The following POLR3B variants were observed in gnomAD, a reference collection of about 807,000 sequenced individuals.
POLR3B encodes DNA-directed RNA polymerase III subunit RPC2.
A neutral mutation model predicts 147.4 loss-of-function variants in POLR3B; 96 were observed. That is an observed-to-expected ratio of 0.65 (90% CI 0.55 to 0.77). The LOEUF is 0.77. Among genes scored for constraint, POLR3B ranks in the 30% least tolerant of loss-of-function variants. The pLI, the probability that POLR3B is intolerant of heterozygous loss-of-function variation, is 0.00. For missense variants in POLR3B, 1,036 were observed against 1,413.5 expected (o/e 0.73, Z 4.28); for synonymous variants, 461 against 485.9 (o/e 0.95, Z 0.67).
At chr12:106,399,489 A>G (rs142671675) in intron 10 of POLR3B, among the ~76,000 whole-genome samples, 1,661 of 152,174 alleles carry the variant, frequency 0.011, 23 homozygotes, top group African/African-American at 0.038. Context: ...CCACAAAGAT[A>G]CTCCTTGAGA....
intron 13 of POLR3B, among the ~76,000 whole-genome samples, chr12:106,428,828 C>T (rs1378474229): frequency 6.6e-6 from 1 of 152,154 alleles, no homozygotes; most frequent in Non-Finnish European, 1.5e-5. Context: ...TCCCACGTTT[C>T]AGAAACTCAA....
At chr12:106,502,954 C>G (rs1296782303) in intron 26 of POLR3B, among the ~76,000 whole-genome samples, 3 of 152,112 alleles carry the variant, frequency 2.0e-5, no homozygotes, top group African/African-American at 7.2e-5. Context: ...TTGTCTCTTC[C>G]ATATGAAGAC....
At chr12:106,458,044 G>A (rs2037887269) in intron 21 of POLR3B, among the ~76,000 whole-genome samples, 1 of 152,214 alleles carries the variant, frequency 6.6e-6, no homozygotes, top group African/African-American at 2.4e-5. Flanking sequence ...TGGTGCACAT[G>A]AGTTGGTGGG....
chr12:106,437,182 G>A (rs188765434), intron 17 of POLR3B, 51 bp downstream of exon 17: 154 of 1,171,362 alleles, frequency 1.3e-4, no homozygotes, highest in Middle Eastern at 3.9e-4. Context: ...CCACATACAT[G>A]ATTTAAGAAA....
At chr12:106,456,693 C>T (rs2037869725) in intron 20 of POLR3B, among the ~76,000 whole-genome samples, 1 of 152,154 alleles carries the variant, frequency 6.6e-6, no homozygotes, top group Non-Finnish European at 1.5e-5. Flanking sequence ...CTCAACTCTG[C>T]TGCCAACTTT....
At chr12:106,482,448 T>C (rs1428583663) in intron 23 of POLR3B, among the ~76,000 whole-genome samples, 1 of 152,036 alleles carries the variant, frequency 6.6e-6, no homozygotes, top group African/African-American at 2.4e-5. Flanking sequence ...AAAGTTACAA[T>C]CATGGCAGAA....
Position 106,444,481 on chromosome 12 carries a change from G to A in POLR3B, c.1974G>A (p.Glu658=), listed in dbSNP as rs201895619. 1.2e-4 allele frequency: 201 copies of A among 1,613,790 alleles called. No homozygotes were observed. The highest frequency in any genetic ancestry group is 1.5e-4 in the Non-Finnish European group (181 of 1,179,964). Residue 658 remains glutamate, a synonymous_variant, in exon 19 of 28, where the codon GAG becomes GAA. Coordinates refer to ENST00000228347, the MANE Select transcript of POLR3B (RefSeq NM_018082.6). ...TTGTTAGAGACACCACCCACTTGGA[G>A]ATTGAACCCTTCACTCTTCTCGGCG... ...HTINKDTTHL[E]IEPFTLLGVC...
At chr12:106,486,675 C>T (rs1178057641) in intron 23 of POLR3B, among the ~76,000 whole-genome samples, 1 of 152,166 alleles carries the variant, frequency 6.6e-6, no homozygotes, top group Non-Finnish European at 1.5e-5. Context: ...TACAGCATGT[C>T]GCACAAATGC....
chr12:106,397,513 A>G (rs763234896), intron 10 of POLR3B, among the ~76,000 whole-genome samples: 23 of 152,162 alleles, frequency 1.5e-4, no homozygotes, highest in Non-Finnish European at 4.4e-5. Context: ...ATTAGGCATC[A>G]TAGTTTAGTG....
intron 12 of POLR3B, among the ~76,000 whole-genome samples, chr12:106,424,884 A>G (rs2037416539): frequency 6.6e-6 from 1 of 152,198 alleles, no homozygotes; most frequent in African/African-American, 2.4e-5. Flanking sequence ...ATCCATGAAC[A>G]TATCATCTCA....
chr12:106,434,328 T>C (rs1593039340), intron 16 of POLR3B, among the ~76,000 whole-genome samples: 1 of 152,296 alleles, frequency 6.6e-6, no homozygotes, highest in African/African-American at 2.4e-5. Context: ...GTCCTTAGGA[T>C]TCGTTTGACG....
chr12:106,486,249 A>G (rs545328186), intron 23 of POLR3B, among the ~76,000 whole-genome samples: 1 of 138,248 alleles, frequency 7.2e-6, no homozygotes, highest in African/African-American at 2.7e-5. Context: ...AGATTGGGCC[A>G]CTGCACTCCA....
intron 9 of POLR3B, among the ~76,000 whole-genome samples, chr12:106,384,624 G>C (rs2036809902): frequency 6.6e-6 from 1 of 152,042 alleles, no homozygotes; most frequent in African/African-American, 2.4e-5. Flanking sequence ...CGTATTTTTT[G>C]TATTTTTGTG....
At position 106,369,290 on chromosome 12, in the gene POLR3B, T is replaced by C; in HGVS notation, c.243T>C (p.Tyr81=). The C allele has an allele frequency of 6.3e-7, 1 of 1,589,884 alleles. No individual in the cohort carries two copies. ...TGCTTTTCAGATATCTTAATATCTA[T>C]GTTGGGCTTCCTGATGTTGAAGAAA... ...PMWYLKYLNI[Y]VGLPDVEESF... Residue 81 remains tyrosine, a synonymous_variant, in exon 5 of 28, where the codon TAT becomes TAC. Coordinates refer to ENST00000228347, the MANE Select transcript of POLR3B (RefSeq NM_018082.6).
At chr12:106,379,880 G>A (rs1473886946) in intron 8 of POLR3B, 151 bp from the exon 9 acceptor site, 5 of 657,156 alleles carry the variant, frequency 7.6e-6, no homozygotes, top group Non-Finnish European at 1.4e-5. Context: ...GGCAGGAAAG[G>A]AATTGTCTTT....
intron 7 of POLR3B, among the ~76,000 whole-genome samples, 187 bp from the exon 8 acceptor site, chr12:106,378,079 TC>T (rs1676538946): frequency 6.6e-6 from 1 of 152,022 alleles, no homozygotes; most frequent in South Asian, 2.1e-4. Context: ...CAAAGGGAGA[TC>T]CTTTCTCAAA....
chr12:106,478,138 C>A (rs1032859639), intron 23 of POLR3B, among the ~76,000 whole-genome samples: 10 of 151,884 alleles, frequency 6.6e-5, no homozygotes, highest in Admixed American at 6.6e-4. Context: ...AATTCCTCAG[C>A]TCAGGCAATC....
chr12:106,450,127 G>A (rs1480879102), intron 19 of POLR3B, among the ~76,000 whole-genome samples: 1 of 152,120 alleles, frequency 6.6e-6, no homozygotes, highest in Non-Finnish European at 1.5e-5. Flanking sequence ...ATGTGTCAAA[G>A]CAATCCAGTG....
chr12:106,376,625 C>CATTCTTTTTTTT (rs1565877301), intron 7 of POLR3B, among the ~76,000 whole-genome samples, 175 bp downstream of exon 7: 1 of 107,880 alleles, frequency 9.3e-6, no homozygotes, highest in African/African-American at 5.5e-5. Context: ...GTATTTCTTT[C>CATTCTTTTTTTT]TTTCTTTTTT....
Sources: allele counts gnomAD v4.1 joint callset (sites outside exome capture counted in the v4.1 genomes callset), GRCh38; gene constraint gnomAD v4.1.1; transcripts MANE v1.5; gene names NCBI Gene and HGNC (gene_info 2026-07-23, HGNC 2026-07-21).